Variants in ERICH6B observed in about 807,000 individuals in gnomAD.
ERICH6B encodes glutamate-rich protein 6B.
In ERICH6B, 69 loss-of-function variants were observed where a neutral mutation model predicts 80.0. The observed-to-expected ratio is 0.86, with a 90% CI of 0.71 to 1.05. The LOEUF is 1.05. Among genes scored for constraint, ERICH6B ranks in the 50% least tolerant of loss-of-function variants. The pLI is 0.00. For synonymous variants in ERICH6B, 283 were observed against 291.9 expected, an observed-to-expected ratio of 0.97 and a Z score of 0.31; for missense variants, 754 against 796.1, an observed-to-expected ratio of 0.95 and a Z score of 0.64.
At position 45,596,494 on chromosome 13, in the gene ERICH6B, C is replaced by T. The variant is rs1876377866; in HGVS notation, c.512G>A (p.Gly171Glu). 6.4e-7 allele frequency: 1 copy of T among 1,551,052 alleles called. No individual in the cohort carries two copies. Among genetic ancestry groups the T allele is most frequent in the African/African-American group, 1.4e-5 (1 of 72,996 alleles). Residue 171 changes from glycine to glutamate, a missense_variant, in exon 3 of 15, where the codon GGG becomes GAG. Transcript: ENST00000298738. ...KAYLEEEEYL[G>E]KKSYLEEEKA... ...TTCCTCTTCTAGATATGATTTCTTCCCCAGATACTCCTCCTCCTCCAGATA... is the reference window on the plus strand; with the variant it reads ...TTCCTCTTCTAGATATGATTTCTTCTCCAGATACTCCTCCTCCTCCAGATA...
chr13:45,610,997 A>G (rs933481198), intron 1 of ERICH6B, among the ~76,000 whole-genome samples: 30 of 152,214 alleles, frequency 2.0e-4, no homozygotes, highest in African/African-American at 7.2e-4. Context: ...TTTTCTTGGC[A>G]ATACTGATGT....
intron 10 of ERICH6B, 81 bp downstream of exon 10, chr13:45,563,646 C>T (rs1487357588): frequency 1.6e-6 from 2 of 1,256,898 alleles, no homozygotes; most frequent in Non-Finnish European, 1.1e-6. Context: ...ACCTTCTTTA[C>T]AGTACATGCA....
chr13:45,613,581 C>T (rs1949911689), intron 1 of ERICH6B, among the ~76,000 whole-genome samples: 1 of 152,136 alleles, frequency 6.6e-6, no homozygotes, highest in East Asian at 1.9e-4. Flanking sequence ...TCACAACCAC[C>T]AGTCAAAACT....
At chr13:45,577,364 A>T (rs1459367063) in intron 7 of ERICH6B, among the ~76,000 whole-genome samples, 1 of 145,010 alleles carries the variant, frequency 6.9e-6, no homozygotes, top group African/African-American at 2.6e-5. Flanking sequence ...GCTCACTGCA[A>T]TCTCCGCCTC....
intron 2 of ERICH6B, among the ~76,000 whole-genome samples, chr13:45,604,770 TA>T (rs1017369448): frequency 5.3e-5 from 8 of 151,608 alleles, no homozygotes; most frequent in Non-Finnish European, 8.8e-5. Context: ...AAAAAAAACC[TA>T]AAAAATTAGC....
At chr13:45,555,722 A>G (rs1874410349) in intron 11 of ERICH6B, among the ~76,000 whole-genome samples, 2 of 152,120 alleles carry the variant, frequency 1.3e-5, no homozygotes, top group Admixed American at 6.6e-5. Context: ...GCCACTCAAA[A>G]GAAATACAAG....
chr13:45,551,488 C>G (rs1368405196), intron 11 of ERICH6B: 1 of 152,152 alleles, frequency 6.6e-6, no homozygotes, highest in Non-Finnish European at 1.5e-5. Context: ...AAAGAAAGCC[C>G]CCTGGCACCC....
At position 45,587,232 on chromosome 13, in the gene ERICH6B, C is replaced by T. The variant is rs1165858370; in HGVS notation, c.687G>A (p.Arg229=). ...SSQTMLLRDA[R]SPDAGPSQVT... ...CCTGAGAGGGGCCAGCGTCTGGACT[C>T]CTGTCAGAGGGGAGAACAGGAAGGT... The change falls in exon 5 of 15, where the codon AGG becomes AGA. Residue 229 remains arginine, a splice_region_variant and synonymous_variant. Coordinates refer to ENST00000298738, the MANE Select transcript of ERICH6B (RefSeq NM_182542.3). 6.4e-7 allele frequency: 1 copy of T among 1,551,518 alleles called. No homozygotes were observed. Among genetic ancestry groups the T allele is most frequent in the South Asian group, 1.2e-5 (1 of 84,028 alleles).
chr13:45,563,697 C>G, intron 10 of ERICH6B, 30 bp downstream of exon 10: 1 of 1,543,010 alleles, frequency 6.5e-7, no homozygotes, highest in Non-Finnish European at 8.8e-7. Context: ...AGAGCCAGCA[C>G]GTGGTGGAAA....
intron 11 of ERICH6B, among the ~76,000 whole-genome samples, 162 bp downstream of exon 11, chr13:45,561,207 C>T (rs548835401): frequency 1.3e-5 from 2 of 152,166 alleles, no homozygotes; most frequent in Non-Finnish European, 2.9e-5. Context: ...GTCAGTCTGC[C>T]AGCAACCCAC....
At chr13:45,612,208 T>C (rs1256259241) in intron 1 of ERICH6B, among the ~76,000 whole-genome samples, 1 of 152,156 alleles carries the variant, frequency 6.6e-6, no homozygotes, top group Non-Finnish European at 1.5e-5. Context: ...CTTCCAAGTC[T>C]CCCTCCTCTC....
At chr13:45,591,379 A>C (rs931287825) in intron 3 of ERICH6B, among the ~76,000 whole-genome samples, 1 of 152,132 alleles carries the variant, frequency 6.6e-6, no homozygotes, top group Non-Finnish European at 1.5e-5. Flanking sequence ...GGCGGATCAC[A>C]AGGTCAGGAG....
intron 8 of ERICH6B, among the ~76,000 whole-genome samples, chr13:45,570,539 C>A (rs958395112): frequency 2.0e-5 from 3 of 152,204 alleles, no homozygotes; most frequent in African/African-American, 7.2e-5. Context: ...AATAGGAGGG[C>A]TTTAGCTTCC....
intron 11 of ERICH6B, among the ~76,000 whole-genome samples, chr13:45,554,924 AC>A (rs1279759167): frequency 6.6e-6 from 1 of 152,196 alleles, no homozygotes; most frequent in Non-Finnish European, 1.5e-5. Context: ...TGTTTGTAAA[AC>A]AAACAAACAA....
At chr13:45,543,186 T>C (rs925534272) in intron 14 of ERICH6B, among the ~76,000 whole-genome samples, 1 of 151,884 alleles carries the variant, frequency 6.6e-6, no homozygotes, top group Admixed American at 6.5e-5. Context: ...TGCTTAGGCC[T>C]CACGGGGGGA....
Position 45,596,276 on chromosome 13 carries a change from T to A in ERICH6B, c.637+93A>T, listed in dbSNP as rs886576663. 7.2e-6 allele frequency: 10 copies of A among 1,396,352 alleles called. No homozygotes were observed. In the African/African-American group the frequency reaches 1.5e-4, roughly 20 times the overall value. 86.5% of individuals were successfully genotyped at this position (1,396,352 alleles called of 1,614,324 possible). On this transcript the variant is annotated intron_variant, in intron 3 of 14. Transcript: ENST00000298738. ...CTTTGGGATGCCCTCCTCCAGATAC[T>A]CATCCCTTTCCAGATACTCTTCTTC... is the stretch of plus-strand genomic sequence containing the variant.
intron 7 of ERICH6B, among the ~76,000 whole-genome samples, chr13:45,577,370 G>A (rs1875460663): frequency 7.8e-6 from 1 of 128,326 alleles, no homozygotes; most frequent in Non-Finnish European, 1.6e-5. Context: ...TGCAATCTCC[G>A]CCTCCCGGGT....
intron 2 of ERICH6B, among the ~76,000 whole-genome samples, chr13:45,606,516 TATATATATATATATATATATATATA>T (rs1949862187): frequency 4.5e-5 from 1 of 22,398 alleles, no homozygotes; most frequent in African/African-American, 2.1e-4. Context: ...TATATATATA[TATATATATATATATATATATATATA>T]TATATATTTT....
chr13:45,559,515 T>G (rs941809452), intron 11 of ERICH6B, among the ~76,000 whole-genome samples: 7 of 152,094 alleles, frequency 4.6e-5, no homozygotes, highest in Admixed American at 6.5e-5. Flanking sequence ...CTTTCAGACT[T>G]TTTGATGTAG....
Sources: allele counts gnomAD v4.1 joint callset (sites outside exome capture counted in the v4.1 genomes callset), GRCh38; gene constraint gnomAD v4.1.1; transcripts MANE v1.5; gene names NCBI Gene and HGNC (gene_info 2026-07-23, HGNC 2026-07-21).